The following DNAH5 variants were observed in gnomAD, a reference collection of about 807,000 sequenced individuals.
The protein encoded by DNAH5 is dynein axonemal heavy chain 5.
DNAH5 carries 372 observed loss-of-function variants against 518.2 expected under a neutral mutation model. The observed-to-expected ratio is 0.72, with a 90% CI of 0.66 to 0.78. DNAH5 has a LOEUF of 0.78. Ranked by LOEUF, DNAH5 falls within the 30% of genes least tolerant of loss-of-function variation. The pLI, the probability that DNAH5 is intolerant of heterozygous loss-of-function variation, is 0.00. For missense variants in DNAH5, 5,523 were observed against 5,687.0 expected (o/e 0.97, Z 0.93); for synonymous variants, 2,039 against 2,025.9 (o/e 1.01, Z -0.17).
chr5:13,916,913 A>C (rs1776708021), intron 8 of DNAH5, among the ~76,000 whole-genome samples: 1 of 152,204 alleles, frequency 6.6e-6, no homozygotes, highest in African/African-American at 2.4e-5. Flanking sequence ...ATAACATCTC[A>C]TATACATCTT....
At chr5:13,755,936 G>C (rs1750928701) in intron 61 of DNAH5, among the ~76,000 whole-genome samples, 1 of 152,198 alleles carries the variant, frequency 6.6e-6, no homozygotes, top group African/African-American at 2.4e-5. Flanking sequence ...TTTGGGAGAA[G>C]AGAAAGGAGT....
rs995328175 is a variant in DNAH5 at position 13,794,781 on chromosome 5, C to T, written c.7888-723G>A. Among the ~76,000 whole-genome samples the T allele has an allele frequency of 3.9e-5, 6 of 151,914 alleles. No individual in the cohort carries two copies. The South Asian group carries it at 6.2e-4, about 16-fold the overall frequency. On this transcript the variant is annotated intron_variant, in intron 47 of 78. Coordinates refer to ENST00000265104, the MANE Select transcript of DNAH5 (RefSeq NM_001369.3). ...GAGATCGAGACCATCCTGGCTAACA[C>T]GGTGAAACCCTGTCTCTACTAAAAA...
At chr5:13,927,960 T>C (rs1487412636) in intron 3 of DNAH5, 134 bp downstream of exon 3, 1 of 703,892 alleles carries the variant, frequency 1.4e-6, no homozygotes, top group Non-Finnish European at 2.5e-6. Flanking sequence ...GTTTCCCACA[T>C]GGACCCACAC....
intron 8 of DNAH5, 148 bp from the exon 9 acceptor site, chr5:13,916,603 T>C: frequency 7.2e-6 from 3 of 418,052 alleles, no homozygotes. Context: ...ATGAAAATAA[T>C]ATATTTAATA....
intron 17 of DNAH5, among the ~76,000 whole-genome samples, chr5:13,888,016 G>A (rs967710): frequency 0.55 from 83,063 of 151,804 alleles, 23,108 homozygotes; most frequent in African/African-American, 0.62. Context: ...ATCCTTCCTC[G>A]TCATACTCAA....
At chr5:13,751,010 T>A (rs1458379573) in intron 65 of DNAH5, 68 bp downstream of exon 65, 1 of 1,525,300 alleles carries the variant, frequency 6.6e-7, no homozygotes. Context: ...ACTGTTATTA[T>A]CTTATTTTTG....
At chr5:13,811,448 G>A (rs1271561190) in intron 44 of DNAH5, among the ~76,000 whole-genome samples, 199 bp downstream of exon 44, 1 of 151,960 alleles carries the variant, frequency 6.6e-6, no homozygotes, top group South Asian at 2.1e-4. Flanking sequence ...TTTGTTAAAG[G>A]GATATGAAAA....
At chr5:13,869,618 T>C (rs759327507) in intron 24 of DNAH5, among the ~76,000 whole-genome samples, 2 of 152,056 alleles carry the variant, frequency 1.3e-5, no homozygotes, top group African/African-American at 4.8e-5. Context: ...TATTACAAGA[T>C]GAATAAAAAT....
At chr5:13,744,523 G>T (rs989851495) in intron 65 of DNAH5, among the ~76,000 whole-genome samples, 12 of 152,118 alleles carry the variant, frequency 7.9e-5, no homozygotes, top group Admixed American at 6.6e-4. Context: ...ATCAATGTTT[G>T]AGATGATGGA....
chr5:13,772,448 A>G (rs944249283), intron 55 of DNAH5, among the ~76,000 whole-genome samples: 2 of 152,228 alleles, frequency 1.3e-5, no homozygotes, highest in African/African-American at 4.8e-5. Flanking sequence ...CTGGTGCAGG[A>G]AAGGTTACAG....
chr5:13,977,936 G>A (rs990058590), intron 1 of DNAH5, among the ~76,000 whole-genome samples: 4 of 152,138 alleles, frequency 2.6e-5, no homozygotes, highest in South Asian at 2.1e-4. Context: ...CGACTCTCTC[G>A]GAAAACATTC....
Position 13,891,058 on chromosome 5 carries a change from A to C in DNAH5, c.2495T>G (p.Leu832Arg). Residue 832 changes from leucine (L) to arginine (R), a missense_variant, in exon 17 of 79, where the codon CTA (leucine) becomes CGA (arginine). By Grantham distance (102) the Leu-to-Arg change is moderately radical. This residue lies in a region of DNAH5 where 5,121 missense variants were observed against 5,223.3 expected (regional missense o/e 0.98). Transcript: ENST00000265104. ...AAGAGGCGTGCTGCTCATTTCTTCT[A>C]GAATGGCATCAATGCGGAACTCAAT... ...DLIEFRIDAI[L>R]EEMSSTPLCQ... 6.2e-7 allele frequency: 1 copy of C among 1,614,166 alleles called. No individual in the cohort carries two copies. Among genetic ancestry groups the C allele is most frequent in the East Asian group, 2.2e-5 (1 of 44,874 alleles).
chr5:13,753,586 G>T (rs777404476), intron 62 of DNAH5, 37 bp from the exon 63 acceptor site: 2 of 1,529,200 alleles, frequency 1.3e-6, no homozygotes, highest in Non-Finnish European at 1.8e-6. Flanking sequence ...AATACTTTAC[G>T]TTCATCCGTG....
intron 1 of DNAH5, among the ~76,000 whole-genome samples, chr5:14,002,091 G>A (rs1784393134): frequency 6.6e-6 from 1 of 151,586 alleles, no homozygotes; most frequent in African/African-American, 2.4e-5. Context: ...TAGAGGTGGG[G>A]TTTCACCATG....
intron 11 of DNAH5, among the ~76,000 whole-genome samples, chr5:13,911,919 GA>G (rs77723528): frequency 0.027 from 4,091 of 152,172 alleles, 146 homozygotes; most frequent in East Asian, 0.095. Context: ...AATATAGGAA[GA>G]AAATAAATGA....
intron 47 of DNAH5, among the ~76,000 whole-genome samples, chr5:13,796,320 T>C (rs1161996185): frequency 6.6e-6 from 1 of 152,162 alleles, no homozygotes; most frequent in Non-Finnish European, 1.5e-5. Flanking sequence ...CAGCCCAAAA[T>C]CTCCTTAAGC....
rs2151905547 is a variant in DNAH5, at chr5:13,862,550, G to T, written c.4794C>A (p.Asn1598Lys). 1.9e-6 allele frequency: 3 copies of T among 1,613,914 alleles called. No individual in the cohort carries two copies. Among genetic ancestry groups the T allele is most frequent in the Non-Finnish European group, 2.5e-6 (3 of 1,179,882 alleles). The change falls in exon 29 of 79, where the codon AAC (asparagine) becomes AAA (lysine). Residue 1598 changes from asparagine to lysine, a missense_variant and splice_region_variant. By Grantham distance (94) the Asn-to-Lys change is moderately conservative. Transcript: ENST00000265104. ...GAAAAGATAGATGGTTTTCCCACCT[G>T]TTGCTCAGTAGGGATCCCAGCAACA... ...SLMLLGSLLS[N>K]RYNMPFKAQI...
chr5:13,975,217 G>A (rs1018449967), intron 1 of DNAH5, among the ~76,000 whole-genome samples: 4 of 152,176 alleles, frequency 2.6e-5, no homozygotes, highest in African/African-American at 2.4e-5. Context: ...CTCACATGGC[G>A]GCGGCAAGAA....
chr5:13,983,346 G>A (rs1378102958), intron 1 of DNAH5, among the ~76,000 whole-genome samples: 1 of 152,212 alleles, frequency 6.6e-6, no homozygotes, highest in Non-Finnish European at 1.5e-5. Context: ...TGGGGCAGTG[G>A]TTCTTGAACT....
Sources: allele counts gnomAD v4.1 joint callset (sites outside exome capture counted in the v4.1 genomes callset), GRCh38; gene constraint gnomAD v4.1.1; regional missense constraint gnomAD v4.1.1; transcripts MANE v1.5; gene names NCBI Gene and HGNC (gene_info 2026-07-23, HGNC 2026-07-21).